TTLL3: variants seen among roughly 807,000 people sequenced by gnomAD.
TTLL3 encodes the protein tubulin tyrosine ligase like 3, also known as tubulin monoglycylase TTLL3.
Under a neutral mutation model 75.2 loss-of-function variants are expected in TTLL3, and 63 were observed. That is an observed-to-expected ratio of 0.84 (90% CI 0.68 to 1.03). TTLL3 has a LOEUF of 1.03. Ranked by LOEUF, TTLL3 falls within the 50% of genes least tolerant of loss-of-function variation. The probability of loss-of-function intolerance (pLI) is 0.00; values close to 1 mark genes in which losing one functional copy is unlikely to be tolerated. For missense variants in TTLL3, 997 were observed against 1,069.9 expected, an observed-to-expected ratio of 0.93 and a Z score of 0.95; for synonymous variants, 393 against 418.5, an observed-to-expected ratio of 0.94 and a Z score of 0.74.
chr3:9,822,160 G>A (rs1404346639), intron 8 of TTLL3, among the ~76,000 whole-genome samples: 4 of 141,544 alleles, frequency 2.8e-5, no homozygotes, highest in African/African-American at 1.0e-4. Flanking sequence ...CCACCTCCTG[G>A]GTTCATGCGA....
chr3:9,833,196 G>A lies in TTLL3; in HGVS notation c.1776G>A (p.Met592Ile), dbSNP rs2081737823. 1.2e-6 allele frequency: 2 copies of A among 1,613,920 alleles called. No individual in the cohort carries two copies. The highest frequency in any genetic ancestry group is 1.1e-5 in the South Asian group (1 of 91,082). Residue 592 changes from methionine to isoleucine, a missense_variant, in exon 12 of 14, where the codon ATG becomes ATA. Coordinates refer to ENST00000685419, the MANE Select transcript of TTLL3 (RefSeq NM_001387446.1). ...KKPMAMCHRR[M>I]GVRPAVPLLT... The stretch of plus-strand genomic sequence containing the variant: ...CCATGGCGATGTGTCATCGGCGGAT[G>A]GGGGTCCGCCCAGCAGTCCCTCTGC...
In TTLL3 at chr3:9,834,892, C is replaced by A; in HGVS notation, c.2037C>A (p.Ile679=). Residue 679 remains isoleucine, a synonymous_variant, in exon 13 of 14, where the codon ATC becomes ATA. Transcript: ENST00000685419. ...TTGATTTCAAGGTGGCACCCAGCAT[C>A]CTGAAGCCAAGAAAGGTGGGCCTCG... ...PNLDFKVAPS[I]LKPRKAPALL... 6.2e-7 allele frequency: 1 copy of A among 1,614,228 alleles called. No homozygotes were observed. The highest frequency in any genetic ancestry group is 8.5e-7 in the Non-Finnish European group (1 of 1,180,046).
At chr3:9,818,954 A>G (rs1271666094) in intron 7 of TTLL3, 34 bp downstream of exon 7, 3 of 1,613,564 alleles carry the variant, frequency 1.9e-6, no homozygotes, top group Non-Finnish European at 2.5e-6. Context: ...TCTCCCACCC[A>G]TTTATCCTCC....
chr3:9,834,618 T>G lies in TTLL3; in HGVS notation c.1826-63T>G, dbSNP rs527720013. 3.2e-4 allele frequency: 508 copies of G among 1,603,210 alleles called. 5 individuals carry two copies. The South Asian group carries it at 3.9e-3, about 12-fold the overall frequency. ...TCCCCCCATCCTCCACACGTACCTGTTAGGGCAGCTAGGCCACCTTGGGCC... is the reference window on the plus strand; with the variant it reads ...TCCCCCCATCCTCCACACGTACCTGGTAGGGCAGCTAGGCCACCTTGGGCC... On this transcript the variant is annotated intron_variant, in intron 12 of 13. Transcript: ENST00000685419.
At chr3:9,815,406 G>A (rs994041530) in intron 4 of TTLL3, among the ~76,000 whole-genome samples, 1 of 152,234 alleles carries the variant, frequency 6.6e-6, no homozygotes, top group African/African-American at 2.4e-5. Flanking sequence ...TAGAATTATG[G>A]TGAATGAATT....
intron 11 of TTLL3, among the ~76,000 whole-genome samples, chr3:9,830,963 C>T (rs965959774): frequency 2.0e-5 from 3 of 152,174 alleles, no homozygotes; most frequent in Non-Finnish European, 2.9e-5. Flanking sequence ...CCACCATGCC[C>T]GGCTAATTTT....
At chr3:9,827,305 C>A (rs984328215) in intron 10 of TTLL3, 65 bp downstream of exon 10, 2 of 1,589,892 alleles carry the variant, frequency 1.3e-6, no homozygotes, top group Admixed American at 1.7e-5. Context: ...AGCAAACAGG[C>A]GATTACAGTG....
chr3:9,824,737 C>CTTTTTTT (rs71052207), intron 8 of TTLL3, among the ~76,000 whole-genome samples: 6 of 80,672 alleles, frequency 7.4e-5, no homozygotes, highest in Non-Finnish European at 1.2e-4. Flanking sequence ...CTTTTCTTTT[C>CTTTTTTT]TTTTTTTTTT....
At chr3:9,822,219 C>CCCT (rs1210551074) in intron 8 of TTLL3, among the ~76,000 whole-genome samples, 1 of 151,364 alleles carries the variant, frequency 6.6e-6, no homozygotes, top group African/African-American at 2.4e-5. Flanking sequence ...GCGCCCACCA[C>CCCT]CACGCCCGGC....
At chr3:9,834,112 C>CAAA (rs34679102) in intron 12 of TTLL3, 389 of 130,874 alleles carry the variant, frequency 3.0e-3, no homozygotes, top group South Asian at 4.5e-3. Context: ...AACTCTGTCT[C>CAAA]AAAAAAAAAA....
chr3:9,809,879 C>A, upstream of TTLL3: 1 of 625,126 alleles, frequency 1.6e-6, no homozygotes, highest in Non-Finnish European at 2.2e-6. Context: ...AAGGCAATAG[C>A]AAACGGGGCG....
At chr3:9,809,962 G>GCGCGGGATCAGGGGCCCTGGGAGGGCGGA (rs2079187159), upstream of TTLL3, 37 of 1,294,004 alleles carry the variant, frequency 2.9e-5, no homozygotes, top group Non-Finnish European at 3.4e-5. Flanking sequence ...ACGCGGAGGG[G>GCGCGGGATCAGGGGCCCTGGGAGGGCGGA]CGCGGGATCA....
Position 9,829,026 on chromosome 3 carries a change from G to C in TTLL3, c.1314G>C (p.Leu438=). ...HLENSCHRHP[L]LPPDNMWSSQ... ...AGAACTCATGCCATCGGCATCCACT[G>C]CTTCCGCCAGACAACATGTGGTCTA... The change falls in exon 11 of 14, where the codon CTG becomes CTC. Residue 438 remains leucine, a synonymous_variant. Transcript: ENST00000685419. The C allele has an allele frequency of 1.2e-6, 2 of 1,614,236 alleles. No individual in the cohort carries two copies. Among genetic ancestry groups the C allele is most frequent in the Non-Finnish European group, 1.7e-6 (2 of 1,180,048 alleles).
chr3:9,826,073 T>A, intron 9 of TTLL3, 125 bp downstream of exon 9: 1 of 1,434,248 alleles, frequency 7.0e-7, no homozygotes, highest in Non-Finnish European at 9.3e-7. Context: ...CTAGCTCTGC[T>A]ACTAATGTGC....
chr3:9,827,586 A>C, intron 10 of TTLL3: 1 of 274,980 alleles, frequency 3.6e-6, no homozygotes, highest in Non-Finnish European at 7.1e-6. Flanking sequence ...TAATGTAGAC[A>C]TGGGGTCTCA....
chr3:9,821,207 C>G (rs946450184), intron 8 of TTLL3, among the ~76,000 whole-genome samples: 19 of 152,068 alleles, frequency 1.2e-4, no homozygotes, highest in African/African-American at 4.6e-4. Context: ...CACCAAGCAT[C>G]CTGAGGGGCA....
intron 10 of TTLL3, chr3:9,828,734 T>A: frequency 5.0e-6 from 3 of 602,394 alleles, no homozygotes. Flanking sequence ...GCGGCCCCCG[T>A]AACTAGCGCC....
chr3:9,819,118 C>T, intron 7 of TTLL3, 198 bp downstream of exon 7: 1 of 671,984 alleles, frequency 1.5e-6, no homozygotes, highest in Non-Finnish European at 2.5e-6. Flanking sequence ...TATTCACCCA[C>T]TCTCTGATCT....
At chr3:9,811,172 T>C (rs78593417) in intron 2 of TTLL3, among the ~76,000 whole-genome samples, 2,164 of 152,292 alleles carry the variant, frequency 0.014, 44 homozygotes, top group Non-Finnish European at 0.018. Flanking sequence ...TTTGGCTGTG[T>C]CCTTGGCTGA....
Sources: gnomAD v4.1 joint callset for allele counts (sites outside exome capture counted in the v4.1 genomes callset) on GRCh38, gnomAD v4.1.1 for gene constraint, MANE v1.5 for transcripts, NCBI Gene and HGNC (gene_info 2026-07-23, HGNC 2026-07-21) for gene names.